The following ZFYVE1 variants were observed in gnomAD, a reference collection of about 807,000 sequenced individuals.
The protein encoded by ZFYVE1 is zinc finger FYVE-type containing 1.
Under a neutral mutation model 74.4 loss-of-function variants are expected in ZFYVE1, and 30 were observed. The observed-to-expected ratio is 0.40, with a 90% CI of 0.30 to 0.55. ZFYVE1 has a LOEUF of 0.55. Among genes scored for constraint, ZFYVE1 ranks in the 20% least tolerant of loss-of-function variants. The pLI is 0.42. For synonymous variants in ZFYVE1, 335 were observed against 385.1 expected (o/e 0.87, Z 1.52); for missense variants, 703 against 1,011.6 (o/e 0.69, Z 4.14).
chr14:72,997,606 T>C (rs1893777262), intron 3 of ZFYVE1, among the ~76,000 whole-genome samples: 1 of 152,240 alleles, frequency 6.6e-6, no homozygotes, highest in Non-Finnish European at 1.5e-5. Context: ...CAAAGCCAAT[T>C]GGCAATTCTC....
rs1894425410 is a variant in ZFYVE1 at position 73,024,938 on chromosome 14, G to C, written c.-430C>G. The stretch of plus-strand genomic sequence containing the variant: ...TCGACCTGAAGTCAGTATTTCAGGG[G>C]ATACCTAGAATAGAGGAAGGAAAAG... On this transcript the variant is annotated 5_prime_UTR_variant, in exon 2 of 12. In the 5' UTR this introduces an upstream ATG that the reference lacks. Coordinates refer to ENST00000556143, the MANE Select transcript of ZFYVE1 (RefSeq NM_021260.4). The C allele has an allele frequency of 6.4e-6, 1 of 156,670 alleles. No individual in the cohort carries two copies. Among genetic ancestry groups the C allele is most frequent in the African/African-American group, 2.4e-5 (1 of 41,542 alleles). 9.7% of individuals were successfully genotyped at this position (156,670 alleles called of 1,614,324 possible).
At chr14:73,015,101 G>T (rs554383692) in intron 2 of ZFYVE1, among the ~76,000 whole-genome samples, 2 of 151,160 alleles carry the variant, frequency 1.3e-5, no homozygotes, top group East Asian at 3.9e-4. Flanking sequence ...CATGGTGGCA[G>T]GCGCCTATAG....
In ZFYVE1 at chr14:72,975,844, G is replaced by A; in HGVS notation, c.1636-123C>T. 1 of 1,122,934 alleles carries A rather than the reference G, an allele frequency of 8.9e-7. No individual in the cohort carries two copies. Among genetic ancestry groups the A allele is most frequent in the Non-Finnish European group, 1.3e-6 (1 of 787,214 alleles). 69.6% of individuals were successfully genotyped at this position (1,122,934 alleles called of 1,614,324 possible). A position where few individuals can be genotyped will look rare whatever the true frequency, so the allele number is the denominator to read the frequency against. ...CTCAGAACCACTAACTCCCTGGCAG[G>A]GAAGAACGGAGACACACCAGGAATC... On this transcript the variant is annotated intron_variant, in intron 8 of 11. Coordinates refer to ENST00000556143, the MANE Select transcript of ZFYVE1 (RefSeq NM_021260.4). This position sits in a 1 kb window ranked among gnomAD's most constrained non-coding sequence, Gnocchi z 4.1.
chr14:72,994,713 G>A (rs1454428618), intron 3 of ZFYVE1, among the ~76,000 whole-genome samples: 1 of 152,188 alleles, frequency 6.6e-6, no homozygotes, highest in African/African-American at 2.4e-5. Context: ...GGCCCTTTCA[G>A]ACATTTTTCC....
rs183710656 is a variant in ZFYVE1 at position 72,984,957 on chromosome 14, C to T, written c.1204-3062G>A. Among the ~76,000 whole-genome samples the T allele has an allele frequency of 1.9e-4, 29 of 152,312 alleles. No individual in the cohort carries two copies. In the East Asian group the frequency reaches 4.6e-3, roughly 24 times the overall value. On this transcript the variant is annotated intron_variant, in intron 4 of 11. Transcript: ENST00000556143. Reference sequence around the variant, plus strand: ...AGCTAGAACTGCTGGAATAAGTGCCCAGCACCAACTCCCCTTCACAAACCA... The same window carrying T: ...AGCTAGAACTGCTGGAATAAGTGCCTAGCACCAACTCCCCTTCACAAACCA...
chr14:73,005,931 T>C (rs1196639697), intron 2 of ZFYVE1, among the ~76,000 whole-genome samples: 1 of 152,150 alleles, frequency 6.6e-6, no homozygotes, highest in Non-Finnish European at 1.5e-5. Context: ...ACATTTTTTT[T>C]TTTTTTATGA....
chr14:73,023,180 A>ATTTTT (rs1446353978), intron 2 of ZFYVE1, among the ~76,000 whole-genome samples: 5 of 137,642 alleles, frequency 3.6e-5, no homozygotes, highest in East Asian at 4.0e-4. Flanking sequence ...ATATATATAT[A>ATTTTT]TATATATATA....
At chr14:72,971,860 C>A (rs958957880) in intron 11 of ZFYVE1, among the ~76,000 whole-genome samples, 1 of 152,182 alleles carries the variant, frequency 6.6e-6, no homozygotes, top group East Asian at 1.9e-4. Flanking sequence ...GAAGTCTGGG[C>A]TCTGGAGTCA....
rs536201412 is a variant in ZFYVE1 at position 72,998,738 on chromosome 14, C to A, written c.484-423G>T. ...TGGTGGTTCACGCATGTAACAGTGG[C>A]ACTTCAGGAGGCTGAGGAGGGAGGA... On this transcript the variant is annotated intron_variant, in intron 2 of 11. Transcript: ENST00000556143. 3.3e-5 allele frequency among the ~76,000 whole-genome samples: 5 copies of A among 151,878 alleles called. No homozygotes were observed. In the South Asian group the frequency reaches 1.0e-3, roughly 32 times the overall value.
intron 4 of ZFYVE1, among the ~76,000 whole-genome samples, chr14:72,992,626 C>CCCG (rs777800671): frequency 0.041 from 4,398 of 108,454 alleles, 312 homozygotes; most frequent in Non-Finnish European, 0.067. Context: ...CCCCCCCCGC[C>CCCG]CCTTGCAAGA....
intron 2 of ZFYVE1, among the ~76,000 whole-genome samples, chr14:73,009,277 C>A (rs1894040835): frequency 6.6e-6 from 1 of 152,186 alleles, no homozygotes; most frequent in South Asian, 2.1e-4. Context: ...AAGATAACAA[C>A]ACAATCTACT....
At chr14:72,999,328 A>G (rs143877172) in intron 2 of ZFYVE1, among the ~76,000 whole-genome samples, 10,991 of 151,930 alleles carry the variant, frequency 0.072, 532 homozygotes, top group East Asian at 0.19. Flanking sequence ...TCAGGAGGCT[A>G]TGGCAGGAGA....
intron 2 of ZFYVE1, among the ~76,000 whole-genome samples, chr14:73,013,903 C>G (rs904750565): frequency 1.3e-5 from 2 of 152,154 alleles, no homozygotes; most frequent in African/African-American, 4.8e-5. Flanking sequence ...AAAAGTCTGA[C>G]CAGCCATCAG....
intron 2 of ZFYVE1, among the ~76,000 whole-genome samples, chr14:73,003,657 C>T (rs1333590786): frequency 2.6e-5 from 4 of 152,022 alleles, no homozygotes; most frequent in Admixed American, 6.6e-5. Context: ...TTGCAGTGGG[C>T]CGAGATCGTG....
chr14:73,018,945 A>G (rs1426360591), intron 2 of ZFYVE1, among the ~76,000 whole-genome samples: 2 of 152,056 alleles, frequency 1.3e-5, no homozygotes, highest in Non-Finnish European at 2.9e-5. Context: ...ATCTCAAAAA[A>G]AAAAAAAAAA....
In ZFYVE1 at chr14:72,993,251, G is replaced by C; in HGVS notation, c.1095C>G (p.Tyr365Ter). Residue 365 changes from tyrosine to a stop codon, truncating the protein, a stop_gained, in exon 4 of 12, where the codon TAC becomes TAG. Coordinates refer to ENST00000556143, the MANE Select transcript of ZFYVE1 (RefSeq NM_021260.4). LOFTEE classifies it high-confidence loss of function. ...GCCCAGAAAAGTCCGTGGGAGGGTT[G>C]TAAGTCCTCGTTCCCTTGTAGTGAA... ...SSIHYKGTRT[Y>*]NPPTDFSGLR... The C allele has an allele frequency of 6.2e-7, 1 of 1,613,926 alleles. No homozygotes were observed. The highest frequency in any genetic ancestry group is 8.5e-7 in the Non-Finnish European group (1 of 1,179,992).
intron 10 of ZFYVE1, among the ~76,000 whole-genome samples, 157 bp downstream of exon 10, chr14:72,974,622 G>A (rs531184214): frequency 3.9e-5 from 6 of 152,324 alleles, no homozygotes; most frequent in African/African-American, 9.6e-5. Context: ...CCCATAGGAC[G>A]CTGTTAACAA....
chr14:73,025,284 G>T (rs1421760240), intron 1 of ZFYVE1, among the ~76,000 whole-genome samples: 2 of 151,814 alleles, frequency 1.3e-5, no homozygotes, highest in African/African-American at 4.8e-5. Context: ...GGCCAGGCTG[G>T]TCTTGAACTC....
At chr14:72,976,082 G>A in intron 8 of ZFYVE1, 1 of 193,744 alleles carries the variant, frequency 5.2e-6, no homozygotes, top group Non-Finnish European at 1.1e-5. Context: ...TATCCATTTA[G>A]GTATCTGACT....
Sources: allele counts gnomAD v4.1 joint callset (sites outside exome capture counted in the v4.1 genomes callset), GRCh38; gene constraint gnomAD v4.1.1; non-coding constraint Gnocchi (gnomAD v3.1); transcripts MANE v1.5; gene names NCBI Gene and HGNC (gene_info 2026-07-23, HGNC 2026-07-21).